PLCB1: variants seen among roughly 807,000 people sequenced by gnomAD.
The protein encoded by PLCB1 is 1-phosphatidylinositol 4,5-bisphosphate phosphodiesterase beta-1.
A neutral mutation model predicts 161.8 loss-of-function variants in PLCB1; 46 were observed. The ratio of observed to expected loss-of-function variants is 0.28; its 90% CI spans 0.22 to 0.36. The LOEUF is 0.36. PLCB1 is among the 10% of genes least tolerant of loss of function. The pLI, the probability that PLCB1 is intolerant of heterozygous loss-of-function variation, is 1.00. For synonymous variants in PLCB1, 517 were observed against 503.7 expected, an observed-to-expected ratio of 1.03 and a Z score of -0.35; for missense variants, 1,016 against 1,472.5, an observed-to-expected ratio of 0.69 and a Z score of 5.07.
chr20:8,853,527 G>A (rs982730971), intron 31 of PLCB1, among the ~76,000 whole-genome samples: 3 of 152,052 alleles, frequency 2.0e-5, no homozygotes, highest in Non-Finnish European at 2.9e-5. Context: ...AGCTGTAGTC[G>A]GGTTTTTAAA....
chr20:8,497,946 A>G (rs1482851083), intron 3 of PLCB1, among the ~76,000 whole-genome samples: 1 of 152,204 alleles, frequency 6.6e-6, no homozygotes, highest in East Asian at 1.9e-4. Context: ...ACAAGTCTTC[A>G]GAACCTCATT....
intron 3 of PLCB1, among the ~76,000 whole-genome samples, chr20:8,429,955 T>C (rs1979962450): frequency 6.6e-6 from 1 of 152,012 alleles, no homozygotes; most frequent in Non-Finnish European, 1.5e-5. Flanking sequence ...CATGGATTCA[T>C]TTTAGCCGCA....
intron 11 of PLCB1, among the ~76,000 whole-genome samples, chr20:8,698,000 G>A (rs534287567): frequency 8.5e-5 from 13 of 152,298 alleles, no homozygotes; most frequent in East Asian, 1.9e-4. Context: ...AAACTGTCTC[G>A]TGAAAGGAAA....
chr20:8,501,755 C>T (rs1983416761), intron 3 of PLCB1, among the ~76,000 whole-genome samples: 1 of 151,710 alleles, frequency 6.6e-6, no homozygotes, highest in Admixed American at 6.6e-5. Flanking sequence ...TGTTAGTGTG[C>T]AGTCTTAAGG....
chr20:8,656,752 G>C (rs1196782977), intron 7 of PLCB1, among the ~76,000 whole-genome samples: 1 of 148,308 alleles, frequency 6.7e-6, no homozygotes, highest in Non-Finnish European at 1.5e-5. Context: ...TGTCTCTAGG[G>C]TCATTACTTA....
chr20:8,259,476 C>A (rs1342383398), intron 2 of PLCB1, among the ~76,000 whole-genome samples: 1 of 152,010 alleles, frequency 6.6e-6, no homozygotes, highest in Non-Finnish European at 1.5e-5. Flanking sequence ...AGTAGCCAGG[C>A]ATGGTGACAC....
At chr20:8,222,435 T>C (rs1979461843) in intron 2 of PLCB1, among the ~76,000 whole-genome samples, 1 of 152,204 alleles carries the variant, frequency 6.6e-6, no homozygotes. Context: ...CCTGTTGTTA[T>C]TAATCACTCA....
intron 26 of PLCB1, 34 bp from the exon 27 acceptor site, chr20:8,774,501 CCTGT>C (rs757770352): frequency 3.3e-5 from 52 of 1,553,130 alleles, no homozygotes; most frequent in East Asian, 4.5e-5. Flanking sequence ...CTTGTTATGG[CCTGT>C]CTGTTTTGTG....
intron 3 of PLCB1, among the ~76,000 whole-genome samples, chr20:8,552,108 A>G (rs992779440): frequency 6.6e-6 from 1 of 152,180 alleles, no homozygotes; most frequent in Non-Finnish European, 1.5e-5. Flanking sequence ...ATGGTCATCC[A>G]TTCCTTCCCA....
intron 31 of PLCB1, among the ~76,000 whole-genome samples, chr20:8,840,117 A>G (rs1056771686): frequency 2.6e-4 from 40 of 151,934 alleles, no homozygotes; most frequent in Non-Finnish European, 5.1e-4. Context: ...ATTTTCCTCA[A>G]TGTTCTGTTC....
chr20:8,259,863 G>C (rs1981605905), intron 2 of PLCB1, among the ~76,000 whole-genome samples: 1 of 151,998 alleles, frequency 6.6e-6, no homozygotes. Flanking sequence ...CGTGTTACCT[G>C]GTTTGGCACA....
chr20:8,157,506 C>T (rs1325830878), intron 2 of PLCB1, among the ~76,000 whole-genome samples: 1 of 152,174 alleles, frequency 6.6e-6, no homozygotes, highest in Non-Finnish European at 1.5e-5. Flanking sequence ...TCTATCCTCA[C>T]CATATCAACT....
intron 9 of PLCB1, 71 bp from the exon 10 acceptor site, chr20:8,684,861 A>T: frequency 7.8e-7 from 1 of 1,277,440 alleles, no homozygotes; most frequent in Non-Finnish European, 1.1e-6. Flanking sequence ...TCTGGAAAAA[A>T]AAAAAAAAAG....
intron 2 of PLCB1, among the ~76,000 whole-genome samples, chr20:8,154,349 C>G (rs2123038969): frequency 6.6e-6 from 1 of 152,226 alleles, no homozygotes; most frequent in East Asian, 1.9e-4. Flanking sequence ...TTTAAGAATA[C>G]AGAAGTTCTC....
At chr20:8,796,442 G>C (rs556713507) in intron 31 of PLCB1, among the ~76,000 whole-genome samples, 1 of 152,178 alleles carries the variant, frequency 6.6e-6, no homozygotes, top group African/African-American at 2.4e-5. Flanking sequence ...TAATGCATTT[G>C]TGCCTCCTCT....
intron 3 of PLCB1, among the ~76,000 whole-genome samples, chr20:8,472,685 A>C (rs1028427948): frequency 3.3e-5 from 5 of 152,140 alleles, no homozygotes; most frequent in African/African-American, 1.2e-4. Context: ...CTCAAAAAAA[A>C]AAAAGTTATC....
At chr20:8,382,258 T>G (rs1266839756) in intron 3 of PLCB1, among the ~76,000 whole-genome samples, 1 of 151,762 alleles carries the variant, frequency 6.6e-6, no homozygotes, top group Non-Finnish European at 1.5e-5. Flanking sequence ...CATGTAATTG[T>G]GTGGTTTTGA....
Position 8,132,448 on chromosome 20 carries a change from G to A in PLCB1, c.-204G>A, listed in dbSNP as rs1287761292. ...CTCGCGTCCCGCCCGGGGCATGGCC[G>A]GGCGCTGCGCCCCCGCGCGCTCTGC... On this transcript the variant is annotated 5_prime_UTR_variant, in exon 1 of 32. Transcript: ENST00000338037. This position sits in a 1 kb window ranked among gnomAD's most constrained non-coding sequence, Gnocchi z 5.2. 6 of 317,052 alleles carry A rather than the reference G, an allele frequency of 1.9e-5. No homozygotes were observed. The highest frequency in any genetic ancestry group is 1.1e-4 in the African/African-American group (5 of 45,540). The allele number at this position is 317,052 out of a possible 1,614,324, so 19.6% of individuals were successfully genotyped here.
At chr20:8,453,869 G>T (rs1453593295) in intron 3 of PLCB1, among the ~76,000 whole-genome samples, 3 of 152,276 alleles carry the variant, frequency 2.0e-5, no homozygotes, top group African/African-American at 7.2e-5. Flanking sequence ...CACCCACAGT[G>T]TAACTGTATT....
Sources: allele counts gnomAD v4.1 joint callset (sites outside exome capture counted in the v4.1 genomes callset), GRCh38; gene constraint gnomAD v4.1.1; non-coding constraint Gnocchi (gnomAD v3.1); transcripts MANE v1.5; gene names NCBI Gene and HGNC (gene_info 2026-07-23, HGNC 2026-07-21).